PCDHGB5: variants seen among roughly 807,000 people sequenced by gnomAD.
PCDHGB5 encodes protocadherin gamma-B5.
In PCDHGB5, 48 loss-of-function variants were observed where a neutral mutation model predicts 62.9. That is an observed-to-expected ratio of 0.76 (90% CI 0.61 to 0.97). PCDHGB5 has a LOEUF of 0.97. Ranked by LOEUF, PCDHGB5 falls within the 50% of genes least tolerant of loss-of-function variation. The pLI, the probability that PCDHGB5 is intolerant of heterozygous loss-of-function variation, is 0.00. For synonymous variants in PCDHGB5, 474 were observed against 511.2 expected (o/e 0.93, Z 0.98); for missense variants, 1,118 against 1,198.6 (o/e 0.93, Z 0.99).
chr5:141,506,577 A>G (rs2099855057), intron 3 of PCDHGB5, among the ~76,000 whole-genome samples: 1 of 152,162 alleles, frequency 6.6e-6, no homozygotes, highest in South Asian at 2.1e-4. Flanking sequence ...TTCACTTACT[A>G]TTAATGGGCA....
At chr5:141,433,128 C>T (rs773994964) in intron 1 of PCDHGB5, 3 of 1,614,158 alleles carry the variant, frequency 1.9e-6, no homozygotes, top group Non-Finnish European at 1.7e-6. Flanking sequence ...AAAAGCGAGC[C>T]CCTTTTGCTG....
At position 141,461,820 on chromosome 5, in the gene PCDHGB5, AT is replaced by A. The variant is rs1458631685; in HGVS notation, c.2398-32978del. Among the ~76,000 whole-genome samples the A allele has an allele frequency of 8.1e-5, 12 of 147,918 alleles. 1 individual carries two copies. In the South Asian group the frequency reaches 1.3e-3, roughly 16 times the overall value. On this transcript the variant is annotated intron_variant, in intron 1 of 3. Transcript: ENST00000617380. ...AGGTGCCCACCACCACACCCAGCTAATTTTTTTTTCTTTTTTTTTTGAGACA... is the reference window on the plus strand; with the variant it reads ...AGGTGCCCACCACCACACCCAGCTAATTTTTTTTCTTTTTTTTTTGAGACA...
At chr5:141,464,916 T>C (rs1298310554) in intron 1 of PCDHGB5, among the ~76,000 whole-genome samples, 1 of 152,024 alleles carries the variant, frequency 6.6e-6, no homozygotes, top group Non-Finnish European at 1.5e-5. Flanking sequence ...TTTTTTTATT[T>C]TTTTGTAGAG....
chr5:141,438,579 CATACATACATACATATAT>C (rs1303045573), intron 1 of PCDHGB5, among the ~76,000 whole-genome samples: 21 of 55,772 alleles, frequency 3.8e-4, no homozygotes, highest in Admixed American at 1.1e-3. Context: ...GATATACATA[CATACATACATACATATAT>C]ATATATATAT....
chr5:141,439,773 C>G (rs1323463060), intron 1 of PCDHGB5: 2 of 152,344 alleles, frequency 1.3e-5, no homozygotes, highest in East Asian at 3.9e-4. Flanking sequence ...TCCTTCTTGG[C>G]TGGAGATTCT....
At position 141,505,495 on chromosome 5, in the gene PCDHGB5, G is replaced by A. The variant is rs767547572; in HGVS notation, c.2545+14G>A. On this transcript the variant is annotated intron_variant, in intron 3 of 3. Transcript: ENST00000617380. ...CGTCCGCCAGTGGTAAGTGGTGTCA[G>A]TGTGTGTATGGAAGAGTGGGAGACC... The A allele has an allele frequency of 7.9e-5, 128 of 1,614,092 alleles. No homozygotes were observed. Among genetic ancestry groups the A allele is most frequent in the Non-Finnish European group, 1.0e-4 (123 of 1,180,008 alleles).
intron 1 of PCDHGB5, among the ~76,000 whole-genome samples, chr5:141,492,559 C>G (rs533830391): frequency 2.0e-5 from 3 of 152,174 alleles, no homozygotes; most frequent in Non-Finnish European, 4.4e-5. Context: ...GCCTGGGGGG[C>G]GGCCTGAGCG....
chr5:141,447,018 G>GT (rs1329161304), intron 1 of PCDHGB5, among the ~76,000 whole-genome samples: 6 of 142,194 alleles, frequency 4.2e-5, no homozygotes, highest in African/African-American at 1.6e-4. Context: ...GTTCAGTTTT[G>GT]TTTTGTTTTT....
chr5:141,476,714 C>A lies in PCDHGB5; in HGVS notation c.2398-18093C>A, dbSNP rs146188020. 1 of 1,614,154 alleles carries A rather than the reference C, an allele frequency of 6.2e-7. No homozygotes were observed. The highest frequency in any genetic ancestry group is 1.1e-5 in the South Asian group (1 of 91,078). ...CAAGTACGCGGAGCTGGTGTTGGAG[C>A]GCGCCCTGGACCGAGAACGGGAGCC... On this transcript the variant is annotated intron_variant, in intron 1 of 3. Transcript: ENST00000617380. This position sits in a 1 kb window ranked among gnomAD's most constrained non-coding sequence, Gnocchi z 7.6.
intron 1 of PCDHGB5, among the ~76,000 whole-genome samples, chr5:141,457,278 C>T (rs1446074161): frequency 6.6e-6 from 1 of 152,196 alleles, no homozygotes; most frequent in Non-Finnish European, 1.5e-5. Flanking sequence ...TGTGGGCCTA[C>T]GAAGTTCCTT....
chr5:141,469,565 C>T (rs1410607165), intron 1 of PCDHGB5, among the ~76,000 whole-genome samples: 1 of 152,082 alleles, frequency 6.6e-6, no homozygotes, highest in East Asian at 1.9e-4. Context: ...CAGAGTGAGA[C>T]TCTGTCTCTA....
intron 1 of PCDHGB5, among the ~76,000 whole-genome samples, chr5:141,436,374 G>C (rs2154557079): frequency 6.6e-6 from 1 of 152,248 alleles, no homozygotes; most frequent in East Asian, 1.9e-4. Context: ...TCCAGTTTAA[G>C]CTGAATAGGC....
intron 1 of PCDHGB5, chr5:141,408,042 C>T (rs2095031452): frequency 1.7e-6 from 2 of 1,204,046 alleles, no homozygotes; most frequent in Non-Finnish European, 2.2e-6. Flanking sequence ...AACCAGCTCC[C>T]ACACAGAGCC....
rs61612330 is a variant in PCDHGB5, at chr5:141,454,796, A to ATTTTTTTTTTTTTTTTTTTTTTTTTT, written c.2398-40007_2398-39982dup. Among the ~76,000 whole-genome samples, 3 of 77,456 alleles carry ATTTTTTTTTTTTTTTTTTTTTTTTTT rather than the reference A, an allele frequency of 3.9e-5. 1 individual carries two copies. The highest frequency in any genetic ancestry group is 1.2e-4 in the African/African-American group (2 of 16,882). 50.8% of individuals were successfully genotyped at this position (77,456 alleles called of 152,430 possible). A position where few individuals can be genotyped will look rare whatever the true frequency, so the allele number is the denominator to read the frequency against. On this transcript the variant is annotated intron_variant, in intron 1 of 3. Transcript: ENST00000617380. Reference sequence around the variant, plus strand: ...AAGGAAATAATCCTCCATGGTTCTAATTTTTTTTTTTTTTTTTTTTTTTTT... The same window carrying ATTTTTTTTTTTTTTTTTTTTTTTTTT: ...AAGGAAATAATCCTCCATGGTTCTAATTTTTTTTTTTTTTTTTTTTTTTTTTTTTTTTTTTTTTTTTTTTTTTTTTT...
Position 141,493,788 on chromosome 5 carries a change from C to A in PCDHGB5, c.2398-1019C>A, listed in dbSNP as rs2099750132. On this transcript the variant is annotated intron_variant, in intron 1 of 3. Transcript: ENST00000617380. This position sits in a 1 kb window ranked among gnomAD's most constrained non-coding sequence, Gnocchi z 4.3. ...ACTGGCAGTTCCGGAGCTTCCTTCT[C>A]CCTGGAGTAATCTGAGATACTCACA... 6.6e-6 allele frequency among the ~76,000 whole-genome samples: 1 copy of A among 152,162 alleles called. No homozygotes were observed. The highest frequency in any genetic ancestry group is 1.5e-5 in the Non-Finnish European group (1 of 68,026).
chr5:141,427,822 T>C (rs1446832816), intron 1 of PCDHGB5: 1 of 1,534,220 alleles, frequency 6.5e-7, no homozygotes, highest in Non-Finnish European at 8.9e-7. Flanking sequence ...GGGGTGGTGG[T>C]CGCGCAGCGT....
chr5:141,491,742 C>T lies in PCDHGB5; in HGVS notation c.2398-3065C>T. On this transcript the variant is annotated intron_variant, in intron 1 of 3. Transcript: ENST00000617380. This position sits in a 1 kb window ranked among gnomAD's most constrained non-coding sequence, Gnocchi z 6.9. ...CGCCCCGGGCGACCCCTGGGGGCGG[C>T]ACTGGAGAAGCCGCCCGTCCTCATA... 6.3e-7 allele frequency: 1 copy of T among 1,596,114 alleles called. No individual in the cohort carries two copies. Among genetic ancestry groups the T allele is most frequent in the African/African-American group, 1.3e-5 (1 of 74,260 alleles).
In PCDHGB5 at chr5:141,409,031, A is replaced by G. The variant is rs748995883; in HGVS notation, c.2397+8507A>G. The G allele has an allele frequency of 1.2e-6, 2 of 1,614,032 alleles. No individual in the cohort carries two copies. The highest frequency in any genetic ancestry group is 1.7e-6 in the Non-Finnish European group (2 of 1,179,904). The stretch of plus-strand genomic sequence containing the variant: ...CCAGGATGAGGGGGTCAATGCTGAG[A>G]TAAACTACTACTTCCGAAGCACTGC... On this transcript the variant is annotated intron_variant, in intron 1 of 3. Transcript: ENST00000617380.
At position 141,487,421 on chromosome 5, in the gene PCDHGB5, C is replaced by A. The variant is rs1365581881; in HGVS notation, c.2398-7386C>A. On this transcript the variant is annotated intron_variant, in intron 1 of 3. Coordinates refer to ENST00000617380, the MANE Select transcript of PCDHGB5 (RefSeq NM_018925.3). This position sits in a 1 kb window ranked among gnomAD's most constrained non-coding sequence, Gnocchi z 5.0. ...GGGGCTTCCCCCTTCCAATGGGATC[C>A]TCCGAATCCAGCTAGGGTCAGATGA... 2 of 1,614,026 alleles carry A rather than the reference C, an allele frequency of 1.2e-6. No individual in the cohort carries two copies. Among genetic ancestry groups the A allele is most frequent in the South Asian group, 1.1e-5 (1 of 91,086 alleles).
Sources: allele counts gnomAD v4.1 joint callset (sites outside exome capture counted in the v4.1 genomes callset), GRCh38; gene constraint gnomAD v4.1.1; non-coding constraint Gnocchi (gnomAD v3.1); transcripts MANE v1.5; gene names NCBI Gene and HGNC (gene_info 2026-07-23, HGNC 2026-07-21).